The following AP4E1 variants were observed in gnomAD, a reference collection of about 807,000 sequenced individuals.
AP4E1 encodes the protein AP-4 complex subunit epsilon-1.
A neutral mutation model predicts 128.2 loss-of-function variants in AP4E1; 56 were observed. That is an observed-to-expected ratio of 0.44 (90% CI 0.35 to 0.55). The LOEUF (loss-of-function observed/expected upper bound fraction) is 0.55, where lower values mean the gene tolerates loss of function less well. AP4E1 is among the 20% of genes least tolerant of loss of function. AP4E1 has a pLI of 0.00. For synonymous variants in AP4E1, 484 were observed against 473.1 expected, an observed-to-expected ratio of 1.02 and a Z score of -0.30; for missense variants, 1,324 against 1,307.7, an observed-to-expected ratio of 1.01 and a Z score of -0.19.
At chr15:50,953,622 C>T (rs983348294) in intron 13 of AP4E1, among the ~76,000 whole-genome samples, 1 of 152,110 alleles carries the variant, frequency 6.6e-6, no homozygotes, top group African/African-American at 2.4e-5. Context: ...TATTGCAGTG[C>T]TTATATTGTA....
chr15:51,003,597 C>T lies in AP4E1; in HGVS notation c.*935C>T. ...TGAAGCAGAGACTAAGTATAACATA[C>T]AGGTTCTTCAGTAAAATATATCATT... On this transcript the variant is annotated 3_prime_UTR_variant, in exon 21 of 21. Coordinates refer to ENST00000261842, the MANE Select transcript of AP4E1 (RefSeq NM_007347.5). 6.6e-6 allele frequency: 1 copy of T among 152,564 alleles called. No individual in the cohort carries two copies. The highest frequency in any genetic ancestry group is 1.5e-5 in the Non-Finnish European group (1 of 68,034). The allele number at this position is 152,564 out of a possible 1,614,324, so 9.5% of individuals were successfully genotyped here. A position where few individuals can be genotyped will look rare whatever the true frequency, so the allele number is the denominator to read the frequency against.
chr15:50,968,085 T>G (rs771829084), intron 14 of AP4E1, among the ~76,000 whole-genome samples, 178 bp from the exon 15 acceptor site: 1 of 152,154 alleles, frequency 6.6e-6, no homozygotes, highest in Non-Finnish European at 1.5e-5. Context: ...CTTCCAAAGT[T>G]CTGGGATTAC....
chr15:50,951,144 G>A (rs2064144108), intron 13 of AP4E1, among the ~76,000 whole-genome samples: 1 of 152,208 alleles, frequency 6.6e-6, no homozygotes, highest in South Asian at 2.1e-4. Flanking sequence ...GTCCAGGTAT[G>A]GCTTAGCTGG....
chr15:50,945,035 C>T (rs1034433425), intron 10 of AP4E1: 1 of 773,552 alleles, frequency 1.3e-6, no homozygotes, highest in South Asian at 1.4e-5. Context: ...CTTCTTTTTT[C>T]ACCGTTGGTG....
chr15:50,964,700 A>C (rs2064363091), intron 14 of AP4E1, among the ~76,000 whole-genome samples: 1 of 152,048 alleles, frequency 6.6e-6, no homozygotes, highest in African/African-American at 2.4e-5. Flanking sequence ...CTGGATGGGC[A>C]CAGTAGTATA....
At chr15:50,957,909 T>G (rs1319790105) in intron 13 of AP4E1, among the ~76,000 whole-genome samples, 1 of 152,060 alleles carries the variant, frequency 6.6e-6, no homozygotes, top group Non-Finnish European at 1.5e-5. Flanking sequence ...ACTCCTCAGG[T>G]GATCCACCCG....
At chr15:50,908,994 G>T in intron 1 of AP4E1, 66 bp downstream of exon 1, 3 of 1,593,136 alleles carry the variant, frequency 1.9e-6, no homozygotes, top group Admixed American at 1.7e-5. Context: ...GGAGGCCCTG[G>T]CCGGGCGGCG....
chr15:50,967,005 TTATC>T (rs1018608244), intron 14 of AP4E1, among the ~76,000 whole-genome samples: 9 of 152,236 alleles, frequency 5.9e-5, no homozygotes, highest in East Asian at 1.9e-4. Flanking sequence ...CTCCACTTGT[TTATC>T]TATCATTTTT....
At chr15:50,946,910 C>T (rs1007171073) in intron 10 of AP4E1, among the ~76,000 whole-genome samples, 10 of 152,176 alleles carry the variant, frequency 6.6e-5, no homozygotes, top group African/African-American at 2.4e-4. Context: ...GTGGCTCACA[C>T]CTGTAATCCC....
At chr15:50,996,525 T>G (rs1248590535) in intron 17 of AP4E1, among the ~76,000 whole-genome samples, 1 of 152,012 alleles carries the variant, frequency 6.6e-6, no homozygotes, top group Non-Finnish European at 1.5e-5. Flanking sequence ...ACAGAGAAGA[T>G]AAGAAAAGGG....
chr15:50,941,172 A>ATTT, intron 8 of AP4E1, among the ~76,000 whole-genome samples: 1 of 152,290 alleles, frequency 6.6e-6, no homozygotes, highest in East Asian at 1.9e-4. Context: ...CATGCCTGGC[A>ATTT]CATGGGAGGT....
upstream of AP4E1, chr15:50,908,629 G>T: frequency 9.3e-7 from 1 of 1,077,156 alleles, no homozygotes; most frequent in Non-Finnish European, 1.2e-6. Flanking sequence ...CGAGAACGAC[G>T]CTGAACTTGT....
intron 1 of AP4E1, among the ~76,000 whole-genome samples, chr15:50,909,751 G>C (rs952648548): frequency 2.0e-5 from 3 of 151,986 alleles, no homozygotes; most frequent in Non-Finnish European, 1.5e-5. Flanking sequence ...GCAGTGGCGC[G>C]ATCTGGGCTC....
At chr15:50,928,155 C>T (rs968869495) in intron 5 of AP4E1, among the ~76,000 whole-genome samples, 1 of 152,020 alleles carries the variant, frequency 6.6e-6, no homozygotes, top group African/African-American at 2.4e-5. Flanking sequence ...CTTTTTATTC[C>T]ATGTGTGTCC....
chr15:50,941,372 G>A, intron 8 of AP4E1, 70 bp from the exon 9 acceptor site: 17 of 1,541,232 alleles, frequency 1.1e-5, no homozygotes, highest in Non-Finnish European at 1.5e-5. Context: ...TTTATTACAA[G>A]TTCTACACAA....
chr15:50,939,584 A>G (rs993654083), intron 8 of AP4E1, among the ~76,000 whole-genome samples: 4 of 152,198 alleles, frequency 2.6e-5, no homozygotes, highest in African/African-American at 9.7e-5. Flanking sequence ...TTTAAAAATC[A>G]ATTTAATTCA....
intron 18 of AP4E1, 52 bp downstream of exon 18, chr15:50,997,935 C>G (rs769780771): frequency 7.1e-7 from 1 of 1,405,628 alleles, no homozygotes; most frequent in Non-Finnish European, 9.7e-7. Context: ...TTTGTGTTCT[C>G]TTTTCCTGTG....
At chr15:50,947,613 T>C (rs550549750) in intron 10 of AP4E1, among the ~76,000 whole-genome samples, 6 of 152,138 alleles carry the variant, frequency 3.9e-5, no homozygotes, top group Non-Finnish European at 5.9e-5. Flanking sequence ...GCATGGGAAA[T>C]AGTTTCCAAG....
chr15:50,977,020 T>C (rs560247988), intron 15 of AP4E1, among the ~76,000 whole-genome samples: 106 of 152,358 alleles, frequency 7.0e-4, no homozygotes, highest in South Asian at 2.1e-4. Context: ...TTTCAAAGTG[T>C]AATCAGTTTC....
Sources: gnomAD v4.1 joint callset for allele counts (sites outside exome capture counted in the v4.1 genomes callset) on GRCh38, gnomAD v4.1.1 for gene constraint, MANE v1.5 for transcripts, NCBI Gene and HGNC (gene_info 2026-07-23, HGNC 2026-07-21) for gene names.